ATP2C1: variants seen among roughly 807,000 people sequenced by gnomAD.
ATP2C1 encodes ATPase secretory pathway Ca2+ transporting 1, also known as calcium-transporting ATPase type 2C member 1.
A neutral mutation model predicts 120.5 loss-of-function variants in ATP2C1; 31 were observed. The observed-to-expected ratio is 0.26, with a 90% CI of 0.19 to 0.35. The LOEUF is 0.35. ATP2C1 is among the 10% of genes least tolerant of loss of function. The pLI, the probability that ATP2C1 is intolerant of heterozygous loss-of-function variation, is 1.00. For synonymous variants in ATP2C1, 351 were observed against 358.7 expected (o/e 0.98, Z 0.24); for missense variants, 731 against 1,107.5 (o/e 0.66, Z 4.83).
At chr3:130,949,954 AT>A (rs2060301090) in intron 8 of ATP2C1, among the ~76,000 whole-genome samples, 1 of 152,080 alleles carries the variant, frequency 6.6e-6, no homozygotes, top group East Asian at 1.9e-4. Flanking sequence ...TTTGCTTTTA[AT>A]TCTAGACTCG....
chr3:130,870,921 T>C (rs1222361454), intron 1 of ATP2C1, among the ~76,000 whole-genome samples: 1 of 152,178 alleles, frequency 6.6e-6, no homozygotes, highest in Non-Finnish European at 1.5e-5. Flanking sequence ...CCAAACTTTA[T>C]TATTGTTTTA....
intron 2 of ATP2C1, among the ~76,000 whole-genome samples, chr3:130,922,720 G>A (rs757710310): frequency 3.3e-5 from 5 of 152,162 alleles, no homozygotes; most frequent in South Asian, 2.1e-4. Flanking sequence ...ACTTGAAGTC[G>A]TCATTCAAGA....
At chr3:130,918,062 A>G (rs952152633) in intron 2 of ATP2C1, among the ~76,000 whole-genome samples, 1 of 152,100 alleles carries the variant, frequency 6.6e-6, no homozygotes, top group East Asian at 1.9e-4. Context: ...AGGATAAGAT[A>G]TAGTGCTCCC....
At chr3:130,943,123 C>T (rs561489498) in intron 8 of ATP2C1, among the ~76,000 whole-genome samples, 1 of 152,276 alleles carries the variant, frequency 6.6e-6, no homozygotes, top group East Asian at 1.9e-4. Flanking sequence ...TTAATTATTT[C>T]AAAGTTCACA....
chr3:130,909,216 TG>T (rs1288777010), intron 2 of ATP2C1, among the ~76,000 whole-genome samples: 1 of 152,160 alleles, frequency 6.6e-6, no homozygotes, highest in Non-Finnish European at 1.5e-5. Flanking sequence ...GAGATCCCTC[TG>T]GATTTTGCCA....
intron 20 of ATP2C1, among the ~76,000 whole-genome samples, chr3:130,990,604 G>C (rs1032655848): frequency 1.3e-5 from 2 of 152,154 alleles, no homozygotes; most frequent in Non-Finnish European, 2.9e-5. Flanking sequence ...TCATTTGAGG[G>C]TTTTGAGAAG....
downstream of ATP2C1, among the ~76,000 whole-genome samples, chr3:131,007,110 CA>C (rs2063146223): frequency 6.6e-6 from 1 of 152,146 alleles, no homozygotes; most frequent in South Asian, 2.1e-4. Context: ...CTCTTTCATT[CA>C]AAATTAAATG....
intron 1 of ATP2C1, among the ~76,000 whole-genome samples, chr3:130,858,703 A>G (rs2067921371): frequency 6.6e-6 from 1 of 152,224 alleles, no homozygotes; most frequent in African/African-American, 2.4e-5. Flanking sequence ...AGACTGAAGT[A>G]CTTGAAATAA....
At chr3:130,905,617 T>C (rs2058085841) in intron 2 of ATP2C1, among the ~76,000 whole-genome samples, 1 of 152,206 alleles carries the variant, frequency 6.6e-6, no homozygotes, top group South Asian at 2.1e-4. Flanking sequence ...TGCCTAAGGG[T>C]TATGTTAGTC....
intron 20 of ATP2C1, among the ~76,000 whole-genome samples, chr3:130,990,116 AC>A (rs2062250336): frequency 6.6e-6 from 1 of 152,146 alleles, no homozygotes; most frequent in Non-Finnish European, 1.5e-5. Context: ...AAAGGAGAGA[AC>A]CAGGGAACAG....
In ATP2C1 at chr3:130,956,193, G is replaced by A. The variant is rs773838130; in HGVS notation, c.832+14G>A. The A allele has an allele frequency of 6.6e-7, 1 of 1,506,394 alleles. No homozygotes were observed. Among genetic ancestry groups the A allele is most frequent in the South Asian group, 1.1e-5 (1 of 88,692 alleles). 93.3% of individuals were successfully genotyped at this position (1,506,394 alleles called of 1,614,324 possible). On this transcript the variant is annotated intron_variant, in intron 11 of 27. Coordinates refer to ENST00000510168, the MANE Select transcript of ATP2C1 (RefSeq NM_001378687.1). ...TTGGTATAATAGGTAAGAGAAGAGTGAGTATGTATATATTTTTATTTGAGT... is the reference window on the plus strand; with the variant it reads ...TTGGTATAATAGGTAAGAGAAGAGTAAGTATGTATATATTTTTATTTGAGT...
At chr3:130,999,049 A>G (rs910566938) in intron 26 of ATP2C1, among the ~76,000 whole-genome samples, 1 of 152,238 alleles carries the variant, frequency 6.6e-6, no homozygotes, top group Admixed American at 6.5e-5. Flanking sequence ...TTCTGAGTAC[A>G]GCGAATTCTC....
chr3:130,935,122 C>G (rs1217203465), intron 5 of ATP2C1, among the ~76,000 whole-genome samples: 1 of 152,196 alleles, frequency 6.6e-6, no homozygotes, highest in East Asian at 1.9e-4. Context: ...GTGTGAGCCA[C>G]TGTGCCTGGC....
chr3:131,005,184 T>C (rs1220623733), downstream of ATP2C1, among the ~76,000 whole-genome samples: 4 of 150,646 alleles, frequency 2.7e-5, no homozygotes, highest in Non-Finnish European at 1.5e-5. Flanking sequence ...GGTGTGATCT[T>C]GGCTCACTGC....
intron 8 of ATP2C1, among the ~76,000 whole-genome samples, chr3:130,942,526 C>T (rs908972771): frequency 6.6e-6 from 1 of 152,204 alleles, no homozygotes; most frequent in African/African-American, 2.4e-5. Context: ...TCTTTAAATA[C>T]TATGGCCAAA....
At chr3:130,985,962 C>T (rs2061990571) in intron 20 of ATP2C1, among the ~76,000 whole-genome samples, 2 of 152,048 alleles carry the variant, frequency 1.3e-5, no homozygotes, top group Admixed American at 1.3e-4. Flanking sequence ...TTTTCCTATC[C>T]TGTGATTGTG....
chr3:130,872,451 C>T (rs1204031036), intron 1 of ATP2C1, among the ~76,000 whole-genome samples: 1 of 152,018 alleles, frequency 6.6e-6, no homozygotes, highest in African/African-American at 2.4e-5. Flanking sequence ...GTCTCAATTA[C>T]CTATTGAATA....
chr3:130,874,742 G>C (rs1453651539), intron 1 of ATP2C1, among the ~76,000 whole-genome samples: 1 of 152,146 alleles, frequency 6.6e-6, no homozygotes, highest in Non-Finnish European at 1.5e-5. Flanking sequence ...TTTCTCAGGG[G>C]AAGGGTAGAA....
intron 1 of ATP2C1, among the ~76,000 whole-genome samples, chr3:130,851,673 G>A (rs1187540811): frequency 1.3e-5 from 2 of 152,200 alleles, no homozygotes; most frequent in Non-Finnish European, 2.9e-5. Context: ...TTACCAAATT[G>A]TTAGAAGAAG....
Sources: gnomAD v4.1 joint callset for allele counts (sites outside exome capture counted in the v4.1 genomes callset) on GRCh38, gnomAD v4.1.1 for gene constraint, MANE v1.5 for transcripts, NCBI Gene and HGNC (gene_info 2026-07-23, HGNC 2026-07-21) for gene names.